The following PDE1A variants were observed in gnomAD, a reference collection of about 807,000 sequenced individuals.
PDE1A encodes the protein dual specificity calcium/calmodulin-dependent 3',5'-cyclic nucleotide phosphodiesterase 1A.
PDE1A carries 35 observed loss-of-function variants against 61.7 expected under a neutral mutation model. The observed-to-expected ratio is 0.57, with a 90% CI of 0.43 to 0.75. The LOEUF (loss-of-function observed/expected upper bound fraction) is 0.75, where lower values mean the gene tolerates loss of function less well. PDE1A is among the 30% of genes least tolerant of loss of function. PDE1A has a pLI of 0.00. For synonymous variants in PDE1A, 232 were observed against 213.2 expected (o/e 1.09, Z -0.77); for missense variants, 597 against 630.6 (o/e 0.95, Z 0.57).
intron 2 of PDE1A, among the ~76,000 whole-genome samples, chr2:182,454,450 C>G (rs544518857): frequency 6.6e-6 from 1 of 151,950 alleles, no homozygotes; most frequent in Non-Finnish European, 1.5e-5. Flanking sequence ...AAAAAGAGCC[C>G]GCATCGCCAA....
chr2:182,358,337 A>T (rs1463519193), intron 1 of PDE1A, among the ~76,000 whole-genome samples: 2 of 152,048 alleles, frequency 1.3e-5, no homozygotes, highest in Non-Finnish European at 2.9e-5. Flanking sequence ...TTATGTCCCC[A>T]TGCCTTTTCT....
At chr2:182,218,346 C>T (rs1266553551) in intron 7 of PDE1A, among the ~76,000 whole-genome samples, 1 of 150,364 alleles carries the variant, frequency 6.7e-6, no homozygotes, top group Admixed American at 6.6e-5. Flanking sequence ...GTGCAGTGCA[C>T]CAGCATGGCA....
intron 13 of PDE1A, among the ~76,000 whole-genome samples, chr2:182,157,029 T>A (rs534477876): frequency 1.6e-4 from 24 of 150,026 alleles, no homozygotes; most frequent in Admixed American, 4.6e-4. Flanking sequence ...ATTTTTTTTT[T>A]TTTGAGACAG....
chr2:182,307,120 A>T (rs961396735), intron 1 of PDE1A, among the ~76,000 whole-genome samples: 2 of 152,196 alleles, frequency 1.3e-5, no homozygotes, highest in Admixed American at 1.3e-4. Context: ...AAATAACCTG[A>T]TTAAAACATG....
chr2:182,655,421 C>T, the PDE1A span, among the ~76,000 whole-genome samples: 17 of 152,282 alleles, frequency 1.1e-4, no homozygotes, highest in African/African-American at 3.4e-4. Flanking sequence ...TCTCCACTTA[C>T]CAGCCTTATA....
chr2:182,426,637 G>C, exon 1 of PDE1A: 1 of 1,612,398 alleles, frequency 6.2e-7, no homozygotes, highest in East Asian at 2.2e-5. Flanking sequence ...CCATTTAAAG[G>C]TGAAGGTTTA....
At chr2:182,248,285 A>T (rs1660370235) in intron 2 of PDE1A, among the ~76,000 whole-genome samples, 1 of 151,892 alleles carries the variant, frequency 6.6e-6, no homozygotes, top group Non-Finnish European at 1.5e-5. Flanking sequence ...AGCAATTCTT[A>T]AAACGTGCTA....
At chr2:182,648,235 G>A in the PDE1A span, among the ~76,000 whole-genome samples, 2 of 152,028 alleles carry the variant, frequency 1.3e-5, no homozygotes, top group Non-Finnish European at 2.9e-5. Context: ...GGCTTGTTGG[G>A]ACATTCTGAG....
At chr2:182,261,652 A>G (rs1692226567) in intron 2 of PDE1A, among the ~76,000 whole-genome samples, 1 of 152,170 alleles carries the variant, frequency 6.6e-6, no homozygotes, top group East Asian at 1.9e-4. Context: ...CAAATGAAAA[A>G]GGGCTATACT....
chr2:182,273,925 G>C (rs150947865), intron 1 of PDE1A, among the ~76,000 whole-genome samples: 1 of 152,058 alleles, frequency 6.6e-6, no homozygotes, highest in Non-Finnish European at 1.5e-5. Context: ...CCATGTACTG[G>C]GTGGCTTATA....
At chr2:182,218,985 G>T (rs904839270) in intron 7 of PDE1A, among the ~76,000 whole-genome samples, 10 of 152,012 alleles carry the variant, frequency 6.6e-5, no homozygotes, top group Non-Finnish European at 2.9e-5. Context: ...AAACCCCTTT[G>T]TACCCATTCA....
At chr2:182,481,335 G>A (rs1460976663) in intron 2 of PDE1A, among the ~76,000 whole-genome samples, 2 of 151,768 alleles carry the variant, frequency 1.3e-5, no homozygotes, top group Non-Finnish European at 2.9e-5. Context: ...TCTTCAACAA[G>A]TGAACCTCCC....
At chr2:182,569,254 A>AATATATATATATAT in the PDE1A span, among the ~76,000 whole-genome samples, 256 of 138,568 alleles carry the variant, frequency 1.8e-3, 2 homozygotes, top group African/African-American at 6.7e-3. Context: ...ACCTGTCTCA[A>AATATATATATATAT]ATATATATAT....
intron 1 of PDE1A, among the ~76,000 whole-genome samples, chr2:182,345,900 T>C (rs1242346213): frequency 6.6e-6 from 1 of 152,232 alleles, no homozygotes; most frequent in Admixed American, 6.5e-5. Flanking sequence ...TGTACTTATT[T>C]ATTACTTTAT....
intron 1 of PDE1A, among the ~76,000 whole-genome samples, chr2:182,281,510 C>G (rs1693804760): frequency 6.6e-6 from 1 of 151,812 alleles, no homozygotes; most frequent in Non-Finnish European, 1.5e-5. Flanking sequence ...TCAATCCAAA[C>G]TCCAATAATC....
chr2:182,267,061 C>T (rs1692681759), intron 1 of PDE1A, among the ~76,000 whole-genome samples: 1 of 152,110 alleles, frequency 6.6e-6, no homozygotes, highest in South Asian at 2.1e-4. Flanking sequence ...GAGAAATCTT[C>T]ATTATCAAAT....
At chr2:182,202,517 G>A (rs1419744973) in intron 8 of PDE1A, among the ~76,000 whole-genome samples, 1 of 151,970 alleles carries the variant, frequency 6.6e-6, no homozygotes, top group African/African-American at 2.4e-5. Context: ...CCCCCCAAAG[G>A]AGACTGAGTC....
chr2:182,381,939 C>T (rs747850671), intron 1 of PDE1A, among the ~76,000 whole-genome samples: 2 of 151,918 alleles, frequency 1.3e-5, no homozygotes, highest in Non-Finnish European at 2.9e-5. Context: ...TTCTGGATCA[C>T]ATGTGTTTTT....
intron 13 of PDE1A, among the ~76,000 whole-genome samples, chr2:182,155,718 C>A (rs923619403): frequency 6.6e-6 from 1 of 152,214 alleles, no homozygotes; most frequent in Middle Eastern, 3.4e-3. Flanking sequence ...GGAGAAACCC[C>A]GTCTCTACTA....
Sources: gnomAD v4.1 joint callset for allele counts (sites outside exome capture counted in the v4.1 genomes callset) on GRCh38, gnomAD v4.1.1 for gene constraint, MANE v1.5 for transcripts, NCBI Gene and HGNC (gene_info 2026-07-23, HGNC 2026-07-21) for gene names.